The following RBFOX1 variants were observed in gnomAD, a reference collection of about 807,000 sequenced individuals.
The protein encoded by RBFOX1 is RNA binding fox-1 homolog 1.
RBFOX1 carries 8 observed loss-of-function variants against 57.7 expected under a neutral mutation model. The ratio of observed to expected loss-of-function variants is 0.14; its 90% confidence interval spans 0.08 to 0.25. RBFOX1 has a LOEUF of 0.25. Ranked by LOEUF, RBFOX1 falls within the 10% of genes least tolerant of loss-of-function variation. The pLI is 1.00. For synonymous variants in RBFOX1, 326 were observed against 222.4 expected, an observed-to-expected ratio of 1.47 and a Z score of -4.15; for missense variants, 611 against 548.5, an observed-to-expected ratio of 1.11 and a Z score of -1.14.
At chr16:5,527,092 C>A (rs1269667894) in intron 2 of RBFOX1, among the ~76,000 whole-genome samples, 3 of 152,180 alleles carry the variant, frequency 2.0e-5, no homozygotes, top group Non-Finnish European at 4.4e-5. Context: ...CAACTCTCAC[C>A]AGTCTGGAAA....
chr16:6,086,422 A>G lies in RBFOX1; in HGVS notation c.-127+66430A>G, dbSNP rs1246046251. On this transcript the variant is annotated intron_variant, in intron 1 of 15. Coordinates refer to ENST00000550418, the MANE Select transcript of RBFOX1 (RefSeq NM_018723.4). ...TTAATCCACTCTGAGTCAGTTCTGC[A>G]GAGCAGTCGGTGGTAAAGTCCTTTC... Among the ~76,000 whole-genome samples the G allele has an allele frequency of 3.3e-5, 5 of 152,154 alleles. 1 individual carries two copies. The highest frequency in any genetic ancestry group is 1.5e-5 in the Non-Finnish European group (1 of 68,038).
intron 3 of RBFOX1, among the ~76,000 whole-genome samples, chr16:5,677,452 G>A (rs914868744): frequency 6.6e-6 from 1 of 152,192 alleles, no homozygotes; most frequent in South Asian, 2.1e-4. Context: ...GGGCATGTAG[G>A]TAAATGTGCT....
At chr16:5,499,729 C>T (rs573542472) in intron 2 of RBFOX1, among the ~76,000 whole-genome samples, 23 of 151,970 alleles carry the variant, frequency 1.5e-4, no homozygotes, top group East Asian at 1.9e-4. Context: ...CCCACCACCA[C>T]GCCTGGCTAA....
intron 4 of RBFOX1, among the ~76,000 whole-genome samples, chr16:7,368,040 GTGAA>G (rs1414338264): frequency 1.3e-5 from 2 of 152,112 alleles, no homozygotes; most frequent in Admixed American, 1.3e-4. Flanking sequence ...GCCGAGGATG[GTGAA>G]TCAGCTGAGG....
chr16:5,513,708 G>T (rs2043688571), intron 2 of RBFOX1, among the ~76,000 whole-genome samples: 1 of 152,056 alleles, frequency 6.6e-6, no homozygotes, highest in Admixed American at 6.5e-5. Flanking sequence ...TTTATTGTAT[G>T]CTTTGAGTTA....
chr16:6,737,178 G>C (rs764405741), intron 3 of RBFOX1, among the ~76,000 whole-genome samples: 8 of 152,170 alleles, frequency 5.3e-5, no homozygotes, highest in African/African-American at 1.7e-4. Context: ...GGCAAGAATG[G>C]TAGATATTTG....
intron 3 of RBFOX1, among the ~76,000 whole-genome samples, chr16:5,670,704 G>T (rs1288779636): frequency 6.6e-6 from 1 of 152,220 alleles, no homozygotes; most frequent in Non-Finnish European, 1.5e-5. Context: ...CTTCTTACTA[G>T]TTCAACTGTT....
At chr16:7,483,417 A>G (rs1194140879) in intron 4 of RBFOX1, among the ~76,000 whole-genome samples, 1 of 152,216 alleles carries the variant, frequency 6.6e-6, no homozygotes, top group Non-Finnish European at 1.5e-5. Flanking sequence ...AAAGATGGTA[A>G]TAATGTGTGT....
intron 2 of RBFOX1, among the ~76,000 whole-genome samples, chr16:5,547,839 A>G (rs4539599): frequency 0.31 from 47,066 of 151,872 alleles, 8,641 homozygotes; most frequent in East Asian, 0.86. Flanking sequence ...AGTGGGAGCT[A>G]AACATTGGGT....
chr16:6,271,453 T>C (rs1567821076), intron 1 of RBFOX1, among the ~76,000 whole-genome samples: 1 of 151,610 alleles, frequency 6.6e-6, no homozygotes, highest in Non-Finnish European at 1.5e-5. Flanking sequence ...GGGAAGGAAG[T>C]TATAAAGATG....
chr16:7,511,721 T>A (rs989708980), intron 4 of RBFOX1, among the ~76,000 whole-genome samples: 4 of 152,180 alleles, frequency 2.6e-5, no homozygotes, highest in Non-Finnish European at 4.4e-5. Context: ...TCTTAAGTAA[T>A]GACAGGTTTC....
intron 3 of RBFOX1, among the ~76,000 whole-genome samples, chr16:6,929,000 C>G (rs916110851): frequency 6.6e-6 from 1 of 152,136 alleles, no homozygotes; most frequent in African/African-American, 2.4e-5. Context: ...GCGTCATTCA[C>G]AGACACGCAT....
chr16:5,957,514 C>G (rs1054758712), intron 4 of RBFOX1, among the ~76,000 whole-genome samples: 2 of 152,180 alleles, frequency 1.3e-5, no homozygotes, highest in African/African-American at 2.4e-5. Context: ...CATGAGTCGC[C>G]TTGCCCAGCC....
At chr16:5,925,907 TG>T (rs993531130) in intron 4 of RBFOX1, among the ~76,000 whole-genome samples, 1 of 152,136 alleles carries the variant, frequency 6.6e-6, no homozygotes, top group Non-Finnish European at 1.5e-5. Flanking sequence ...CTTCTAAACC[TG>T]ATGGGCCAAG....
intron 4 of RBFOX1, among the ~76,000 whole-genome samples, chr16:7,114,486 G>A (rs964635915): frequency 1.3e-5 from 2 of 152,158 alleles, no homozygotes; most frequent in Admixed American, 1.3e-4. Flanking sequence ...ATTTTAAGAA[G>A]CACTCAAGCA....
chr16:5,504,666 T>C (rs911967803), intron 2 of RBFOX1, among the ~76,000 whole-genome samples: 1 of 152,252 alleles, frequency 6.6e-6, no homozygotes, highest in Non-Finnish European at 1.5e-5. Flanking sequence ...TACCATTTGC[T>C]GAGCATTTGC....
chr16:5,804,170 C>G (rs992823241), intron 3 of RBFOX1, among the ~76,000 whole-genome samples: 1 of 152,162 alleles, frequency 6.6e-6, no homozygotes, highest in South Asian at 2.1e-4. Flanking sequence ...TCAAGAGAAG[C>G]ATATTGCTTG....
chr16:5,454,946 CCTTCCTTCCTTCCTTTCTTT>C (rs1305524252), intron 1 of RBFOX1, among the ~76,000 whole-genome samples: 709 of 48,106 alleles, frequency 0.015, 6 homozygotes, highest in Middle Eastern at 0.025. Flanking sequence ...TTCCTTCCTT[CCTTCCTTCCTTCCTTTCTTT>C]CTTTCTTTCT....
chr16:5,352,896 T>C (rs757123295), intron 1 of RBFOX1, among the ~76,000 whole-genome samples: 13 of 152,188 alleles, frequency 8.5e-5, no homozygotes, highest in Non-Finnish European at 1.8e-4. Flanking sequence ...TCAGCTATGA[T>C]TGTGCCACTG....
Sources: allele counts gnomAD v4.1 joint callset (sites outside exome capture counted in the v4.1 genomes callset), GRCh38; gene constraint gnomAD v4.1.1; transcripts MANE v1.5; gene names NCBI Gene and HGNC (gene_info 2026-07-23, HGNC 2026-07-21).